Variants in DLC1 observed in about 807,000 individuals in gnomAD.
DLC1 encodes rho GTPase-activating protein 7.
DLC1 carries 54 observed loss-of-function variants against 140.3 expected under a neutral mutation model. The ratio of observed to expected loss-of-function variants is 0.38; its 90% CI spans 0.31 to 0.48. DLC1 has a LOEUF of 0.48. DLC1 is among the 20% of genes least tolerant of loss of function. The pLI is 0.96. For missense variants in DLC1, 2,536 were observed against 1,907.0 expected (o/e 1.33, Z -6.14); for synonymous variants, 986 against 728.1 (o/e 1.35, Z -5.70).
At chr8:13,556,132 T>C (rs1804036703) in intron 1 of DLC1, among the ~76,000 whole-genome samples, 1 of 152,126 alleles carries the variant, frequency 6.6e-6, no homozygotes, top group African/African-American at 2.4e-5. Context: ...TGCACAGCAA[T>C]CAATGAGGAT....
chr8:13,193,094 C>G (rs1048199331), intron 5 of DLC1, among the ~76,000 whole-genome samples: 1 of 152,164 alleles, frequency 6.6e-6, no homozygotes, highest in Non-Finnish European at 1.5e-5. Flanking sequence ...CAACTCAGGA[C>G]TTTTCTTCTT....
At chr8:13,161,227 C>T (rs1017932820) in intron 5 of DLC1, among the ~76,000 whole-genome samples, 13 of 152,210 alleles carry the variant, frequency 8.5e-5, no homozygotes, top group African/African-American at 3.1e-4. Context: ...TGAAGGCGTG[C>T]AGGAACAACA....
chr8:13,308,431 G>A (rs1201843495), intron 4 of DLC1, among the ~76,000 whole-genome samples: 1 of 152,158 alleles, frequency 6.6e-6, no homozygotes, highest in South Asian at 2.1e-4. Context: ...TTCCTCCAAT[G>A]ATTTATCTTT....
At chr8:13,366,197 G>A (rs1163327570) in intron 4 of DLC1, among the ~76,000 whole-genome samples, 1 of 152,202 alleles carries the variant, frequency 6.6e-6, no homozygotes. Context: ...GGAGCCCAGG[G>A]CTGAAGGGGC....
In DLC1 at chr8:13,453,539, CAT is replaced by C. The variant is rs1260330712; in HGVS notation, c.1023+45508_1023+45509del. Among the ~76,000 whole-genome samples the C allele has an allele frequency of 9.8e-3, 249 of 25,290 alleles. 17 individuals are homozygous for C. The highest frequency in any genetic ancestry group is 0.059 in the South Asian group (48 of 814). The allele number at this position is 25,290 out of a possible 152,430, so 16.6% of individuals were successfully genotyped here. A position where few individuals can be genotyped will look rare whatever the true frequency, so the allele number is the denominator to read the frequency against. On this transcript the variant is annotated intron_variant, in intron 2 of 17. Coordinates refer to ENST00000276297, the MANE Select transcript of DLC1 (RefSeq NM_182643.3). ...ACATATATATATATGTATATATATA[CAT>C]ATATATATATATATATTTTTTTTTT...
chr8:13,128,068 A>C (rs1406446286), intron 5 of DLC1, among the ~76,000 whole-genome samples: 1 of 152,008 alleles, frequency 6.6e-6, no homozygotes, highest in Non-Finnish European at 1.5e-5. Context: ...AAAAAACAAC[A>C]ACCAAAAAAC....
intron 4 of DLC1, among the ~76,000 whole-genome samples, chr8:13,306,414 C>G (rs1832429727): frequency 6.6e-6 from 1 of 152,040 alleles, no homozygotes; most frequent in Admixed American, 6.6e-5. Context: ...TTAACTGACC[C>G]ATTGGGATTT....
intron 4 of DLC1, among the ~76,000 whole-genome samples, chr8:13,322,624 G>T (rs1036927811): frequency 2.6e-5 from 4 of 152,226 alleles, no homozygotes; most frequent in African/African-American, 9.6e-5. Context: ...TATCTTTAAA[G>T]TTCCAAATTT....
chr8:13,582,499 GA>G (rs1805142122), intron 1 of DLC1, among the ~76,000 whole-genome samples: 1 of 152,046 alleles, frequency 6.6e-6, no homozygotes, highest in African/African-American at 2.4e-5. Flanking sequence ...AGAAAAATGT[GA>G]AAAGGTTAGA....
intron 2 of DLC1, among the ~76,000 whole-genome samples, chr8:13,487,129 G>A (rs904722461): frequency 2.6e-5 from 4 of 152,284 alleles, no homozygotes; most frequent in South Asian, 4.1e-4. Context: ...GCCTGCAGTA[G>A]TGACCGCTTG....
chr8:13,382,985 C>G (rs1288829201), intron 4 of DLC1, among the ~76,000 whole-genome samples: 1 of 152,156 alleles, frequency 6.6e-6, no homozygotes, highest in African/African-American at 2.4e-5. Flanking sequence ...TGAAAGAGAT[C>G]ATATGAGCAG....
chr8:13,479,354 CA>C (rs760445262), intron 2 of DLC1, among the ~76,000 whole-genome samples: 3 of 151,762 alleles, frequency 2.0e-5, no homozygotes, highest in Non-Finnish European at 2.9e-5. Flanking sequence ...TCACAATAAG[CA>C]AAGCAAAAAT....
At chr8:13,227,757 T>C (rs1828864768) in intron 5 of DLC1, among the ~76,000 whole-genome samples, 1 of 152,328 alleles carries the variant, frequency 6.6e-6, no homozygotes, top group Non-Finnish European at 1.5e-5. Context: ...ATTATAACCA[T>C]GGCCAGTCTA....
At chr8:13,215,352 G>A (rs1175200744) in intron 5 of DLC1, among the ~76,000 whole-genome samples, 4 of 152,208 alleles carry the variant, frequency 2.6e-5, no homozygotes, top group African/African-American at 9.6e-5. Context: ...TTGGGAGGCC[G>A]AGGTGCGTGG....
chr8:13,356,657 T>C (rs1344252338), intron 4 of DLC1, among the ~76,000 whole-genome samples: 1 of 152,304 alleles, frequency 6.6e-6, no homozygotes, highest in African/African-American at 2.4e-5. Flanking sequence ...TACGAGCTTC[T>C]TGAAGTCAGC....
intron 4 of DLC1, among the ~76,000 whole-genome samples, chr8:13,390,905 A>G (rs1375715929): frequency 6.6e-6 from 1 of 151,580 alleles, no homozygotes; most frequent in Non-Finnish European, 1.5e-5. Context: ...GAATGCCGTG[A>G]ACCCAGGAGG....
chr8:13,305,055 T>C, intron 5 of DLC1: 8 of 1,198,356 alleles, frequency 6.7e-6, no homozygotes, highest in Admixed American at 4.2e-5. Flanking sequence ...AAGAAACACA[T>C]ATCTTATTCT....
intron 5 of DLC1, among the ~76,000 whole-genome samples, chr8:13,187,069 A>T (rs902162360): frequency 1.3e-5 from 2 of 152,152 alleles, no homozygotes; most frequent in Admixed American, 6.5e-5. Flanking sequence ...GCAGCCACCT[A>T]TGTGAGGTGT....
At chr8:13,186,426 C>A (rs140175886) in intron 5 of DLC1, among the ~76,000 whole-genome samples, 4,962 of 152,220 alleles carry the variant, frequency 0.033, 87 homozygotes, top group Non-Finnish European at 0.039. Flanking sequence ...ACCCTTTCTT[C>A]CACTTGATCG....
Sources: gnomAD v4.1 joint callset for allele counts (sites outside exome capture counted in the v4.1 genomes callset) on GRCh38, gnomAD v4.1.1 for gene constraint, MANE v1.5 for transcripts, NCBI Gene and HGNC (gene_info 2026-07-23, HGNC 2026-07-21) for gene names.